The following NKAIN2 variants were observed in gnomAD, a reference collection of about 807,000 sequenced individuals.
The protein encoded by NKAIN2 is sodium/potassium transporting ATPase interacting 2.
A neutral mutation model predicts 32.6 loss-of-function variants in NKAIN2; 14 were observed. The observed-to-expected ratio is 0.43, with a 90% CI of 0.28 to 0.67. The LOEUF (loss-of-function observed/expected upper bound fraction) is 0.67, where lower values mean the gene tolerates loss of function less well. Ranked by LOEUF, NKAIN2 falls within the 30% of genes least tolerant of loss-of-function variation. The pLI is 0.17. For synonymous variants in NKAIN2, 80 were observed against 87.2 expected (o/e 0.92, Z 0.46); for missense variants, 198 against 258.3 (o/e 0.77, Z 1.60).
chr6:124,672,957 G>T (rs1419665609), intron 4 of NKAIN2, among the ~76,000 whole-genome samples: 1 of 151,956 alleles, frequency 6.6e-6, no homozygotes. Flanking sequence ...GCTGCTGACT[G>T]TATGCACATT....
intron 2 of NKAIN2, among the ~76,000 whole-genome samples, chr6:124,319,904 A>G (rs570411369): frequency 6.6e-6 from 1 of 152,290 alleles, no homozygotes; most frequent in East Asian, 1.9e-4. Flanking sequence ...AGTATCATCC[A>G]GATCATCAGG....
At chr6:124,077,472 A>C (rs531818071) in intron 1 of NKAIN2, among the ~76,000 whole-genome samples, 42 of 152,178 alleles carry the variant, frequency 2.8e-4, no homozygotes, top group Non-Finnish European at 5.7e-4. Flanking sequence ...TTTCATGCAC[A>C]GTCCTGGCGA....
chr6:124,655,442 T>A (rs1046596815), intron 3 of NKAIN2, among the ~76,000 whole-genome samples: 23 of 152,124 alleles, frequency 1.5e-4, no homozygotes, highest in African/African-American at 5.6e-4. Context: ...AAATAATTAG[T>A]AAATAAATGA....
At chr6:124,035,609 G>A (rs905339688) in intron 1 of NKAIN2, among the ~76,000 whole-genome samples, 1 of 151,904 alleles carries the variant, frequency 6.6e-6, no homozygotes, top group African/African-American at 2.4e-5. Context: ...CTATGACTTG[G>A]TCTAAATAAA....
At chr6:124,795,818 C>A (rs1046485093) in intron 5 of NKAIN2, among the ~76,000 whole-genome samples, 1 of 152,144 alleles carries the variant, frequency 6.6e-6, no homozygotes, top group Non-Finnish European at 1.5e-5. Flanking sequence ...GAGGGCTCCA[C>A]TGTCATGACA....
At chr6:124,407,741 T>A (rs1773934346) in intron 3 of NKAIN2, among the ~76,000 whole-genome samples, 2 of 151,710 alleles carry the variant, frequency 1.3e-5, no homozygotes, top group South Asian at 4.2e-4. Context: ...AAATGGTACT[T>A]CTAGTTCTAG....
rs188333296 is a variant in NKAIN2 at position 124,219,619 on chromosome 6, G to A, written c.55-63386G>A. Among the ~76,000 whole-genome samples the A allele has an allele frequency of 2.5e-3, 384 of 152,166 alleles. 4 individuals carry two copies. The highest frequency in any genetic ancestry group is 3.4e-3 in the Middle Eastern group (1 of 294). ...GAGTTACGATTCAAGAATCTGTTAAGTGTAGAAGATATAAGCAACAGGTAA... is the reference window on the plus strand; with the variant it reads ...GAGTTACGATTCAAGAATCTGTTAAATGTAGAAGATATAAGCAACAGGTAA... On this transcript the variant is annotated intron_variant, in intron 1 of 6. Transcript: ENST00000368417.
chr6:123,847,567 A>G (rs1358626052), intron 1 of NKAIN2, among the ~76,000 whole-genome samples: 1 of 152,136 alleles, frequency 6.6e-6, no homozygotes, highest in Non-Finnish European at 1.5e-5. Flanking sequence ...ATATTACATA[A>G]CATTTGAAGG....
chr6:124,457,705 T>TA (rs1431853205), intron 3 of NKAIN2, among the ~76,000 whole-genome samples: 3 of 151,916 alleles, frequency 2.0e-5, no homozygotes, highest in Admixed American at 2.0e-4. Context: ...TTCCAACAAT[T>TA]ACACTGTTTC....
At chr6:123,874,050 G>A (rs940984739) in intron 1 of NKAIN2, among the ~76,000 whole-genome samples, 2 of 152,054 alleles carry the variant, frequency 1.3e-5, no homozygotes, top group African/African-American at 2.4e-5. Context: ...ATTCTCCAAG[G>A]GAGTATCTTG....
At chr6:124,150,697 G>A (rs182478959) in intron 1 of NKAIN2, among the ~76,000 whole-genome samples, 63 of 151,896 alleles carry the variant, frequency 4.1e-4, no homozygotes, top group Admixed American at 2.2e-3. Flanking sequence ...CTGTAATGTC[G>A]GTCCCTAGAA....
chr6:124,276,542 A>G (rs937729571), intron 1 of NKAIN2, among the ~76,000 whole-genome samples: 3 of 152,120 alleles, frequency 2.0e-5, no homozygotes. Context: ...ACAAAATTAT[A>G]TCTAGTATAT....
intron 3 of NKAIN2, among the ~76,000 whole-genome samples, chr6:124,399,431 C>A (rs1390737073): frequency 6.6e-6 from 1 of 152,178 alleles, no homozygotes; most frequent in Non-Finnish European, 1.5e-5. Flanking sequence ...CCCACAACAT[C>A]TACAGGCTAC....
chr6:124,321,550 T>C (rs1232998844), intron 2 of NKAIN2, among the ~76,000 whole-genome samples: 1 of 152,172 alleles, frequency 6.6e-6, no homozygotes, highest in Non-Finnish European at 1.5e-5. Flanking sequence ...GAACCTCTTT[T>C]ATATTCCTAG....
At chr6:124,589,230 C>T (rs2114957179) in intron 3 of NKAIN2, among the ~76,000 whole-genome samples, 1 of 152,242 alleles carries the variant, frequency 6.6e-6, no homozygotes, top group South Asian at 2.1e-4. Context: ...TAAAGGAGTA[C>T]ACTGAAGCAC....
intron 3 of NKAIN2, among the ~76,000 whole-genome samples, chr6:124,429,204 ATT>A (rs34137588): frequency 0.015 from 2,166 of 141,708 alleles, 55 homozygotes; most frequent in African/African-American, 0.049. Context: ...CTCCTGGCTA[ATT>A]TTTTTTTTTT....
At chr6:124,086,761 A>G (rs1195285472) in intron 1 of NKAIN2, among the ~76,000 whole-genome samples, 1 of 151,944 alleles carries the variant, frequency 6.6e-6, no homozygotes, top group Non-Finnish European at 1.5e-5. Flanking sequence ...ATAGACAATG[A>G]AAAATAGTCT....
intron 4 of NKAIN2, among the ~76,000 whole-genome samples, chr6:124,690,266 G>A (rs1224273444): frequency 6.6e-6 from 1 of 152,030 alleles, no homozygotes; most frequent in Non-Finnish European, 1.5e-5. Context: ...CTGGTATATA[G>A]GAAAACAATT....
chr6:124,355,570 T>C (rs12203907), intron 3 of NKAIN2, among the ~76,000 whole-genome samples: 35,487 of 152,060 alleles, frequency 0.23, 4,224 homozygotes, highest in Admixed American at 0.3. Flanking sequence ...CTGTTGCTTA[T>C]TATAGTGACC....
Sources: gnomAD v4.1 joint callset for allele counts (sites outside exome capture counted in the v4.1 genomes callset) on GRCh38, gnomAD v4.1.1 for gene constraint, MANE v1.5 for transcripts, NCBI Gene and HGNC (gene_info 2026-07-23, HGNC 2026-07-21) for gene names.